Variants in SETBP1 observed in about 807,000 individuals in gnomAD.
SETBP1 encodes the protein SET-binding protein.
In SETBP1, 9 loss-of-function variants were observed where a neutral mutation model predicts 101.0. The observed-to-expected ratio is 0.09, with a 90% CI of 0.05 to 0.16. SETBP1 has a LOEUF of 0.16. Ranked by LOEUF, SETBP1 falls within the 10% of genes least tolerant of loss-of-function variation. SETBP1 has a pLI of 1.00. For synonymous variants in SETBP1, 818 were observed against 788.5 expected, an observed-to-expected ratio of 1.04 and a Z score of -0.63; for missense variants, 1,858 against 2,033.8, an observed-to-expected ratio of 0.91 and a Z score of 1.66.
At chr18:44,730,300 G>A (rs1210379632) in intron 2 of SETBP1, among the ~76,000 whole-genome samples, 1 of 152,210 alleles carries the variant, frequency 6.6e-6, no homozygotes, top group Admixed American at 6.5e-5. Context: ...GTCAATATGA[G>A]CTAAATGGTC....
At chr18:44,751,443 A>C (rs2070378246) in intron 2 of SETBP1, among the ~76,000 whole-genome samples, 3 of 152,206 alleles carry the variant, frequency 2.0e-5, no homozygotes, top group African/African-American at 4.8e-5. Flanking sequence ...ATTTGTGTCC[A>C]TTCTTTACTT....
At chr18:44,834,507 G>C (rs1350088629) in intron 2 of SETBP1, among the ~76,000 whole-genome samples, 2 of 152,144 alleles carry the variant, frequency 1.3e-5, no homozygotes, top group Non-Finnish European at 2.9e-5. Flanking sequence ...ATGTGGATGG[G>C]TAGAAGGTGG....
At chr18:44,931,732 C>G (rs534939352) in intron 3 of SETBP1, among the ~76,000 whole-genome samples, 151 of 152,128 alleles carry the variant, frequency 9.9e-4, no homozygotes, top group African/African-American at 3.4e-3. Flanking sequence ...TTGGTTTAAA[C>G]TCTGTTTTAT....
rs1434864413 is a variant in SETBP1, at chr18:44,861,232, T to C, written c.487-7998T>C. The stretch of plus-strand genomic sequence containing the variant: ...TTGTGGATTTCCTTTTTCTTTTCTT[T>C]TTTTTTTTTTTTTTTTTTTTTTTTG... On this transcript the variant is annotated intron_variant, in intron 2 of 5. Coordinates refer to ENST00000649279, the MANE Select transcript of SETBP1 (RefSeq NM_015559.3). 3.2e-3 allele frequency among the ~76,000 whole-genome samples: 143 copies of C among 45,178 alleles called. 1 individual carries two copies. The highest frequency in any genetic ancestry group is 0.018 in the African/African-American group (138 of 7,600). 29.6% of individuals were successfully genotyped at this position (45,178 alleles called of 152,430 possible).
chr18:44,722,175 G>A (rs191908853), intron 2 of SETBP1, among the ~76,000 whole-genome samples: 33 of 152,196 alleles, frequency 2.2e-4, no homozygotes, highest in African/African-American at 7.7e-4. Context: ...CCCAGCATTG[G>A]TATGACATTG....
chr18:44,723,308 G>A (rs374121547), intron 2 of SETBP1, among the ~76,000 whole-genome samples: 9 of 152,154 alleles, frequency 5.9e-5, no homozygotes, highest in East Asian at 3.9e-4. Context: ...ACTGTCAGGC[G>A]GTATTCTCCA....
intron 2 of SETBP1, among the ~76,000 whole-genome samples, chr18:44,797,626 G>C (rs1384546398): frequency 6.6e-6 from 1 of 152,076 alleles, no homozygotes. Flanking sequence ...TCTCTCTTGC[G>C]CCACCTCCCA....
chr18:44,996,465 CGTGTAGGCCTGACA>C (rs1158053598), intron 4 of SETBP1, among the ~76,000 whole-genome samples: 2 of 152,168 alleles, frequency 1.3e-5, no homozygotes, highest in Non-Finnish European at 2.9e-5. Flanking sequence ...TCTCTGTCCA[CGTGTAGGCCTGACA>C]GTGAAAGAGG....
At chr18:44,684,896 C>G (rs1339119312) in intron 1 of SETBP1, among the ~76,000 whole-genome samples, 4 of 152,198 alleles carry the variant, frequency 2.6e-5, no homozygotes, top group East Asian at 3.8e-4. Flanking sequence ...ATCCACCTGT[C>G]TCAGCCTCCC....
At chr18:44,992,367 T>C (rs2072397897) in intron 4 of SETBP1, among the ~76,000 whole-genome samples, 1 of 152,062 alleles carries the variant, frequency 6.6e-6, no homozygotes, top group South Asian at 2.1e-4. Context: ...GCCTTTTGGC[T>C]AAGATCAAGT....
chr18:44,890,575 C>A (rs2069745473), intron 3 of SETBP1, among the ~76,000 whole-genome samples: 1 of 152,012 alleles, frequency 6.6e-6, no homozygotes, highest in Admixed American at 6.6e-5. Context: ...AACAAATATG[C>A]CCATTTCCTC....
chr18:45,046,888 A>T (rs1274871832), intron 5 of SETBP1, among the ~76,000 whole-genome samples: 1 of 152,224 alleles, frequency 6.6e-6, no homozygotes, highest in Non-Finnish European at 1.5e-5. Context: ...ATCTTGCACG[A>T]TGCTGGGTGC....
rs545890559 is a variant in SETBP1, at chr18:45,067,033, G to C, written c.*3335G>C. ...AAAACCCAAAGAAGAAAGGTCAAAGGAAGGGAAAGCATGTCAGGGGCTGGT... is the reference window on the plus strand; with the variant it reads ...AAAACCCAAAGAAGAAAGGTCAAAGCAAGGGAAAGCATGTCAGGGGCTGGT... On this transcript the variant is annotated 3_prime_UTR_variant, in exon 6 of 6. Transcript: ENST00000649279. The C allele has an allele frequency of 6.6e-6, 1 of 152,302 alleles. No homozygotes were observed. Among genetic ancestry groups the C allele is most frequent in the South Asian group, 2.1e-4 (1 of 4,820 alleles). The allele number at this position is 152,302 out of a possible 1,614,324, so 9.4% of individuals were successfully genotyped here. A position where few individuals can be genotyped will look rare whatever the true frequency, so the allele number is the denominator to read the frequency against.
chr18:44,998,339 T>C (rs756956025), intron 4 of SETBP1, among the ~76,000 whole-genome samples: 2 of 152,208 alleles, frequency 1.3e-5, no homozygotes, highest in Admixed American at 6.5e-5. Flanking sequence ...ACTTGCCCCA[T>C]ACTTGACTCT....
intron 3 of SETBP1, among the ~76,000 whole-genome samples, chr18:44,885,384 G>C (rs755353483): frequency 1.3e-5 from 2 of 152,130 alleles, no homozygotes; most frequent in Non-Finnish European, 1.5e-5. Flanking sequence ...TGAATCCCAA[G>C]AAAGGGACTT....
intron 3 of SETBP1, among the ~76,000 whole-genome samples, chr18:44,892,445 G>A (rs1454209728): frequency 3.3e-5 from 5 of 152,142 alleles, no homozygotes; most frequent in Non-Finnish European, 7.4e-5. Flanking sequence ...ATATGTACAT[G>A]GCTTAGGCCT....
chr18:44,884,741 G>T (rs952413998), intron 3 of SETBP1, among the ~76,000 whole-genome samples: 5 of 152,112 alleles, frequency 3.3e-5, no homozygotes, highest in Admixed American at 6.5e-5. Context: ...ACTTCTTCTA[G>T]TCTATTCTAC....
At chr18:44,762,099 C>G (rs954135475) in intron 2 of SETBP1, among the ~76,000 whole-genome samples, 2 of 152,128 alleles carry the variant, frequency 1.3e-5, no homozygotes, top group African/African-American at 4.8e-5. Context: ...GTTTACCTCT[C>G]CCTTTGGCCA....
intron 2 of SETBP1, among the ~76,000 whole-genome samples, chr18:44,748,151 G>A (rs1322901671): frequency 6.6e-6 from 1 of 152,132 alleles, no homozygotes; most frequent in Non-Finnish European, 1.5e-5. Context: ...GAAATGGAGG[G>A]AAAGATAGAA....
Sources: gnomAD v4.1 joint callset for allele counts (sites outside exome capture counted in the v4.1 genomes callset) on GRCh38, gnomAD v4.1.1 for gene constraint, MANE v1.5 for transcripts, NCBI Gene and HGNC (gene_info 2026-07-23, HGNC 2026-07-21) for gene names.